UNC13C: variants seen among roughly 807,000 people sequenced by gnomAD.
UNC13C encodes the protein unc-13 homolog C.
A neutral mutation model predicts 245.4 loss-of-function variants in UNC13C; 174 were observed. The ratio of observed to expected loss-of-function variants is 0.71; its 90% CI spans 0.63 to 0.80. The LOEUF (loss-of-function observed/expected upper bound fraction) is 0.80. Ranked by LOEUF, UNC13C falls within the 30% of genes least tolerant of loss-of-function variation. The probability of loss-of-function intolerance (pLI) is 0.00; values close to 1 mark genes in which losing one functional copy is unlikely to be tolerated. For synonymous variants in UNC13C, 992 were observed against 895.1 expected (o/e 1.11, Z -1.93); for missense variants, 2,829 against 2,602.9 (o/e 1.09, Z -1.89).
At chr15:54,176,555 G>A (rs1595951914) in intron 4 of UNC13C, among the ~76,000 whole-genome samples, 1 of 152,140 alleles carries the variant, frequency 6.6e-6, no homozygotes, top group Non-Finnish European at 1.5e-5. Context: ...AATGTTGAAT[G>A]ACTGAAATCC....
intron 20 of UNC13C, among the ~76,000 whole-genome samples, chr15:54,499,191 G>T (rs903585991): frequency 2.6e-5 from 4 of 152,176 alleles, no homozygotes; most frequent in African/African-American, 9.6e-5. Flanking sequence ...CATCTCACAT[G>T]GGGGGAGCAG....
intron 1 of UNC13C, among the ~76,000 whole-genome samples, chr15:53,992,597 A>T (rs1894441146): frequency 6.6e-6 from 1 of 152,058 alleles, no homozygotes; most frequent in South Asian, 2.1e-4. Flanking sequence ...CTATCCCGTG[A>T]CTCACAGTCC....
intron 12 of UNC13C, among the ~76,000 whole-genome samples, chr15:54,299,357 A>G (rs1029657301): frequency 1.1e-4 from 17 of 152,132 alleles, no homozygotes; most frequent in Admixed American, 1.1e-3. Flanking sequence ...TTCATTTTCA[A>G]CCTCGATTCA....
At chr15:53,900,049 T>C in the UNC13C span, among the ~76,000 whole-genome samples, 6 of 152,318 alleles carry the variant, frequency 3.9e-5, no homozygotes, top group Non-Finnish European at 7.4e-5. Flanking sequence ...TTCATCTTTG[T>C]GTAGAAAATC....
At chr15:54,377,145 A>C (rs1204347415) in intron 17 of UNC13C, among the ~76,000 whole-genome samples, 1 of 152,130 alleles carries the variant, frequency 6.6e-6, no homozygotes, top group East Asian at 1.9e-4. Context: ...GAAAGAACCA[A>C]CCACCGCCCC....
intron 2 of UNC13C, among the ~76,000 whole-genome samples, chr15:54,028,951 A>C (rs1896240981): frequency 6.6e-6 from 1 of 152,194 alleles, no homozygotes; most frequent in Non-Finnish European, 1.5e-5. Context: ...TTTTCAGCCA[A>C]ACCAGTAAGT....
At chr15:54,624,824 A>T (rs1343973695) in intron 32 of UNC13C, among the ~76,000 whole-genome samples, 1 of 152,126 alleles carries the variant, frequency 6.6e-6, no homozygotes, top group Admixed American at 6.6e-5. Context: ...AGTTTAGAGT[A>T]ATTCAAAATG....
Position 54,237,628 on chromosome 15 carries a change from G to T in UNC13C, c.3166G>T (p.Ala1056Ser), listed in dbSNP as rs191325765. 4 of 1,611,896 alleles carry T rather than the reference G, an allele frequency of 2.5e-6. No homozygotes were observed. In the South Asian group the frequency reaches 4.4e-5, roughly 18 times the overall value. The part of the protein sequence containing the change: ...IVRDVAMTLA[A>S]RKSGLSLAMV... The stretch of plus-strand genomic sequence containing the variant: ...ATTCTGTTTGTTTTAGACCCTGGCT[G>T]CCCGGAAATCTGGACTCTCCCTGGC... Residue 1056 changes from alanine to serine, a missense_variant, in exon 7 of 33, where the codon GCC becomes TCC. Ala to Ser is a moderately conservative substitution (Grantham distance 99). Coordinates refer to ENST00000260323, the MANE Select transcript of UNC13C (RefSeq NM_001080534.3).
intron 30 of UNC13C, among the ~76,000 whole-genome samples, chr15:54,611,308 G>C (rs1237271985): frequency 1.3e-5 from 2 of 152,138 alleles, no homozygotes; most frequent in Non-Finnish European, 2.9e-5. Flanking sequence ...ACTCAAATCA[G>C]CAAGAGCCCT....
intron 18 of UNC13C, among the ~76,000 whole-genome samples, chr15:54,395,053 G>A (rs1055860910): frequency 6.6e-6 from 1 of 151,018 alleles, no homozygotes; most frequent in African/African-American, 2.4e-5. Flanking sequence ...TTTTTCCTTT[G>A]GAAACCTGTC....
the UNC13C span, among the ~76,000 whole-genome samples, chr15:53,865,074 A>G: frequency 6.6e-6 from 1 of 152,234 alleles, no homozygotes; most frequent in Non-Finnish European, 1.5e-5. Flanking sequence ...TGTTGGGAAC[A>G]GTCAAGTTAC....
At chr15:53,933,808 A>G in the UNC13C span, among the ~76,000 whole-genome samples, 2 of 152,174 alleles carry the variant, frequency 1.3e-5, no homozygotes, top group East Asian at 3.9e-4. Context: ...TCATTACTGA[A>G]GTTTTTCCTA....
At chr15:54,515,269 T>C (rs1449805409) in intron 24 of UNC13C, among the ~76,000 whole-genome samples, 1 of 152,190 alleles carries the variant, frequency 6.6e-6, no homozygotes, top group Non-Finnish European at 1.5e-5. Context: ...TAATTTGCAC[T>C]ACAATCCCCA....
intron 9 of UNC13C, 134 bp from the exon 10 acceptor site, chr15:54,265,221 G>T: frequency 1.7e-6 from 1 of 604,386 alleles, no homozygotes; most frequent in Non-Finnish European, 2.6e-6. Flanking sequence ...AGTTCTGTGA[G>T]TCATGAGAAT....
the UNC13C span, among the ~76,000 whole-genome samples, chr15:53,842,863 G>A: frequency 1.3e-5 from 2 of 149,174 alleles, no homozygotes; most frequent in African/African-American, 2.5e-5. Context: ...TGAACACCAG[G>A]ATCATTCTTG....
At chr15:54,173,135 T>A (rs2033479743) in intron 4 of UNC13C, among the ~76,000 whole-genome samples, 1 of 151,984 alleles carries the variant, frequency 6.6e-6, no homozygotes, top group East Asian at 1.9e-4. Flanking sequence ...TATAACTTGA[T>A]AATAAGCCTT....
chr15:54,324,062 C>A, intron 14 of UNC13C, among the ~76,000 whole-genome samples: 1 of 152,082 alleles, frequency 6.6e-6, no homozygotes. Flanking sequence ...TTTTGTAAAT[C>A]CAATAACTTA....
chr15:54,000,140 A>C (rs1200360283), intron 1 of UNC13C, among the ~76,000 whole-genome samples: 2 of 152,152 alleles, frequency 1.3e-5, no homozygotes, highest in Non-Finnish European at 2.9e-5. Context: ...TTAAGTTAGA[A>C]TGGAGTATGC....
rs1362614612 is a variant in UNC13C, at chr15:54,513,690, T to G, written c.5457+1860T>G. Among the ~76,000 whole-genome samples, 4 of 152,298 alleles carry G rather than the reference T, an allele frequency of 2.6e-5. No individual in the cohort carries two copies. The East Asian group carries it at 7.7e-4, about 29-fold the overall frequency. On this transcript the variant is annotated intron_variant, in intron 24 of 32. Coordinates refer to ENST00000260323, the MANE Select transcript of UNC13C (RefSeq NM_001080534.3). Reference sequence around the variant, plus strand: ...TTCTTCCTTTAAAACTCTTGCAATGTCTACTTGCTAAACTCCTCAGACACG... The same window carrying G: ...TTCTTCCTTTAAAACTCTTGCAATGGCTACTTGCTAAACTCCTCAGACACG...
Sources: gnomAD v4.1 joint callset for allele counts (sites outside exome capture counted in the v4.1 genomes callset) on GRCh38, gnomAD v4.1.1 for gene constraint, MANE v1.5 for transcripts, NCBI Gene and HGNC (gene_info 2026-07-23, HGNC 2026-07-21) for gene names.